SKOR1: variants seen among roughly 807,000 people sequenced by gnomAD.
SKOR1 encodes LBX1 corepressor 1.
A neutral mutation model predicts 72.4 loss-of-function variants in SKOR1; 38 were observed. The observed-to-expected ratio is 0.52, with a 90% CI of 0.40 to 0.69. The LOEUF (loss-of-function observed/expected upper bound fraction) is 0.69, where lower values mean the gene tolerates loss of function less well. Ranked by LOEUF, SKOR1 falls within the 30% of genes least tolerant of loss-of-function variation. The probability of loss-of-function intolerance (pLI) is 0.00; values close to 1 mark genes in which losing one functional copy is unlikely to be tolerated. For synonymous variants in SKOR1, 642 were observed against 599.4 expected (o/e 1.07, Z -1.04); for missense variants, 1,320 against 1,343.2 (o/e 0.98, Z 0.27).
chr15:67,832,424 C>A lies in SKOR1; in HGVS notation c.2662+76C>A. 3 of 1,533,472 alleles carry A rather than the reference C, an allele frequency of 2.0e-6. No homozygotes were observed. Among genetic ancestry groups the A allele is most frequent in the Non-Finnish European group, 2.7e-6 (3 of 1,111,422 alleles). The allele number at this position is 1,533,472 out of a possible 1,614,324, so 95.0% of individuals were successfully genotyped here. A position where few individuals can be genotyped will look rare whatever the true frequency, so the allele number is the denominator to read the frequency against. ...AGGGTGCCCCGACCTACTCCGAAAGCCGGGTGCCAGGCAACTGGTACTAGG... is the reference window on the plus strand; with the variant it reads ...AGGGTGCCCCGACCTACTCCGAAAGACGGGTGCCAGGCAACTGGTACTAGG... On this transcript the variant is annotated intron_variant, in intron 6 of 8. Transcript: ENST00000380035. The surrounding 1 kb of genome is among the most constrained non-coding windows in gnomAD (Gnocchi z 4.5).
intron 2 of SKOR1, 65 bp from the exon 3 acceptor site, chr15:67,829,114 G>T (rs2090988465): frequency 7.0e-7 from 1 of 1,419,590 alleles, no homozygotes. Context: ...GCGGGGTAGG[G>T]CTGGGCGTCT....
rs1179485034 is a variant in SKOR1 at position 67,828,022 on chromosome 15, G to T, written c.2194G>T (p.Ala732Ser). The change falls in exon 2 of 9, where the codon GCA becomes TCA. Residue 732 changes from alanine (A) to serine (S), a missense_variant. Physicochemically the swap from Ala to Ser is moderately conservative, Grantham distance 99. Transcript: ENST00000380035. Reference sequence around the variant, plus strand: ...CGGGCCACCCCCAGCTGGCCGGCCCGCATTTGGGGACTTGGCAGCCGAAGA... The same window carrying T: ...CGGGCCACCCCCAGCTGGCCGGCCCTCATTTGGGGACTTGGCAGCCGAAGA... Reference protein sequence around the residue: ...RLGPPPAGRPAFGDLAAEDLV... With the variant: ...RLGPPPAGRPSFGDLAAEDLV... 1.9e-6 allele frequency: 3 copies of T among 1,539,262 alleles called. No individual in the cohort carries two copies. Among genetic ancestry groups the T allele is most frequent in the Non-Finnish European group, 1.7e-6 (2 of 1,144,716 alleles).
intron 5 of SKOR1, among the ~76,000 whole-genome samples, chr15:67,831,491 C>G (rs922721622): frequency 1.3e-5 from 2 of 152,132 alleles, no homozygotes; most frequent in Non-Finnish European, 2.9e-5. Flanking sequence ...GCCCTTCTAC[C>G]TTCCATTCTT....
chr15:67,831,901 TGCGGGGGGGGGAGGTCGGG>T (rs2091009987), intron 5 of SKOR1, among the ~76,000 whole-genome samples: 2 of 7,064 alleles, frequency 2.8e-4, no homozygotes, highest in African/African-American at 4.3e-4. Context: ...AGGGCGGCGG[TGCGGGGGGGGGAGGTCGGG>T]GCCGGGGCGG....
chr15:67,830,393 A>G, intron 4 of SKOR1, 95 bp downstream of exon 4: 2 of 1,052,926 alleles, frequency 1.9e-6, no homozygotes, highest in Non-Finnish European at 2.9e-6. Flanking sequence ...AAGGCTTTTA[A>G]TCAAGTGTAA....
chr15:67,834,075 T>G lies in SKOR1; in HGVS notation c.*239T>G. The G allele has an allele frequency of 1.3e-5, 7 of 548,590 alleles. No homozygotes were observed. Among genetic ancestry groups the G allele is most frequent in the East Asian group, 3.2e-5 (1 of 31,088 alleles). 34.0% of individuals were successfully genotyped at this position (548,590 alleles called of 1,614,324 possible). ...TACCGCCTCGCGCCTCAAATCCCCC[T>G]ACCCCGTGTGAACTCTAGGGCATCG... is the stretch of plus-strand genomic sequence containing the variant. On this transcript the variant is annotated 3_prime_UTR_variant, in exon 9 of 9. Transcript: ENST00000380035. This position sits in a 1 kb window ranked among gnomAD's most constrained non-coding sequence, Gnocchi z 5.8.
At position 67,830,270 on chromosome 15, in the gene SKOR1, C is replaced by G. The variant is rs765867866; in HGVS notation, c.2487C>G (p.Ser829=). ...RKSYPDQRSI[S]QPSPANTDRG... ...CCTATCCAGACCAAAGGAGTATCTC[C>G]CAGCCAAGTCCTGCAAATACAGACA... is the stretch of plus-strand genomic sequence containing the variant. Residue 829 remains serine (S), a synonymous_variant, in exon 4 of 9, where the codon TCC becomes TCG. Coordinates refer to ENST00000380035, the MANE Select transcript of SKOR1 (RefSeq NM_001365915.1). The G allele has an allele frequency of 3.1e-6, 5 of 1,614,190 alleles. No homozygotes were observed. Among genetic ancestry groups the G allele is most frequent in the Non-Finnish European group, 3.4e-6 (4 of 1,180,018 alleles).
chr15:67,827,110 G>C lies in SKOR1; in HGVS notation c.1282G>C (p.Gly428Arg). ...AAAGGGCGGTCCTGGCACTGGGAGCGGCGGCGGCGGCGCGGGGACAGGCGG... is the reference window on the plus strand; with the variant it reads ...AAAGGGCGGTCCTGGCACTGGGAGCCGCGGCGGCGGCGCGGGGACAGGCGG... ...EPKGGPGTGS[G>R]GGGAGTGGGA... The change falls in exon 2 of 9, where the codon GGC (glycine) becomes CGC (arginine). Residue 428 changes from glycine (G) to arginine (R), a missense_variant. Physicochemically the swap from Gly to Arg is moderately radical, Grantham distance 125 (BLOSUM62 -2). Around this residue, in one of 3 missense-constraint regions of SKOR1, gnomAD observed 1,099 missense variants for 1,025.5 expected, o/e 1.07. Transcript: ENST00000380035. The C allele has an allele frequency of 7.1e-7, 1 of 1,416,490 alleles. No homozygotes were observed. The allele number at this position is 1,416,490 out of a possible 1,614,324, so 87.7% of individuals were successfully genotyped here.
intron 4 of SKOR1, among the ~76,000 whole-genome samples, 161 bp downstream of exon 4, chr15:67,830,459 G>T (rs2091000531): frequency 6.6e-6 from 1 of 152,210 alleles, no homozygotes; most frequent in African/African-American, 2.4e-5. Context: ...CGAGCAGGGT[G>T]CAGGCCAGGT....
Position 67,833,134 on chromosome 15 carries a change from C to T in SKOR1, c.2738-58C>T, listed in dbSNP as rs1597020881. On this transcript the variant is annotated intron_variant, in intron 7 of 8. Transcript: ENST00000380035. This position sits in a 1 kb window ranked among gnomAD's most constrained non-coding sequence, Gnocchi z 6.0. ...GAGAGGAGGAAGCCCGGGCTGTGAC[C>T]CCGGCCTTTCGGAGGGTGGTCTGCG... 3 of 1,595,450 alleles carry T rather than the reference C, an allele frequency of 1.9e-6. No homozygotes were observed. In the East Asian group the frequency reaches 6.7e-5, roughly 36 times the overall value.
Position 67,827,697 on chromosome 15 carries a change from G to A in SKOR1, c.1869G>A (p.Gly623=). 6.5e-7 allele frequency: 1 copy of A among 1,538,048 alleles called. No individual in the cohort carries two copies. The highest frequency in any genetic ancestry group is 2.0e-5 in the Admixed American group (1 of 50,452). The part of the protein sequence containing the change: ...REAYGAGPAR[G]PGPGAGSGGY... ...CGTACGGCGCGGGGCCTGCTCGGGG[G>A]CCGGGACCCGGCGCTGGGAGCGGCG... The change falls in exon 2 of 9, where the codon GGG becomes GGA. Residue 623 remains glycine, a synonymous_variant. Transcript: ENST00000380035.
Position 67,828,000 on chromosome 15 carries a change from GCCACCCCC to G in SKOR1, c.2173_2180del (p.Pro725SerfsTer19), listed in dbSNP as rs2090978514. On this transcript the variant is annotated frameshift_variant, in exon 2 of 9. Transcript: ENST00000380035. LOFTEE classifies it high-confidence loss of function. The stretch of plus-strand genomic sequence containing the variant: ...GCCCCCGCCCCCGGCGCCGCCTCGG[GCCACCCCC>G]AGCTGGCCGGCCCGCATTTGGGGAC... The G allele has an allele frequency of 1.3e-6, 2 of 1,539,184 alleles. No homozygotes were observed. The highest frequency in any genetic ancestry group is 2.8e-5 in the African/African-American group (2 of 72,408).
rs1019192506 is a variant in SKOR1, at chr15:67,832,962, G to T, written c.2738-230G>T. On this transcript the variant is annotated intron_variant, in intron 7 of 8. Transcript: ENST00000380035. This position sits in a 1 kb window ranked among gnomAD's most constrained non-coding sequence, Gnocchi z 4.5. ...GGCGTAAAATTACCTGGGAAGTAAT[G>T]CCTAAGTTTGCTTTAATTTTGGTTA... 1 of 601,202 alleles carries T rather than the reference G, an allele frequency of 1.7e-6. No individual in the cohort carries two copies. Among genetic ancestry groups the T allele is most frequent in the Admixed American group, 3.0e-5 (1 of 33,786 alleles). 37.2% of individuals were successfully genotyped at this position (601,202 alleles called of 1,614,324 possible).
Position 67,827,331 on chromosome 15 carries a change from GT to G in SKOR1, c.1504del (p.Ser502ProfsTer133). The part of the protein sequence containing the change: ...WPAAGSLPVP[S>X]YPAAQSQAKA... ...CAGCAGCAGGCAGCCTCCCGGTACC[GT>G]CCTACCCCGCTGCTCAGAGCCAAGC... On this transcript the variant is annotated frameshift_variant, in exon 2 of 9. Transcript: ENST00000380035. LOFTEE classifies it high-confidence loss of function. The G allele has an allele frequency of 2.5e-6, 4 of 1,589,270 alleles. No individual in the cohort carries two copies. The highest frequency in any genetic ancestry group is 3.4e-6 in the Non-Finnish European group (4 of 1,175,742).
chr15:67,826,870 C>G lies in SKOR1; in HGVS notation c.1042C>G (p.Leu348Val). The stretch of plus-strand genomic sequence containing the variant: ...ACCTCCACCCCACCCGCAGCGCGGA[C>G]TTGGCCTGGCGACTGGAGCTAGTGG... ...GPPPPHPQRGLGLATGASGPA... is the reference protein window; with the variant it reads ...GPPPPHPQRGVGLATGASGPA... Residue 348 changes from leucine to valine, a missense_variant, in exon 2 of 9, where the codon CTT becomes GTT. By Grantham distance (32) the Leu-to-Val change is conservative (BLOSUM62 1). Around this residue, in one of 3 missense-constraint regions of SKOR1, gnomAD observed 1,099 missense variants for 1,025.5 expected, o/e 1.07. Transcript: ENST00000380035. The G allele has an allele frequency of 6.5e-7, 1 of 1,537,038 alleles. No homozygotes were observed. Among genetic ancestry groups the G allele is most frequent in the Non-Finnish European group, 8.7e-7 (1 of 1,146,120 alleles).
rs72751453 is a variant in SKOR1 at position 67,832,327 on chromosome 15, C to A, written c.2641C>A (p.Arg881=). ...AATGGAGCTCCGCAAGAAGCTGGAA[C>A]GGGAATTTCAGAGTCTCAAAGGTAC... ...EQMELRKKLE[R]EFQSLKDNFQ... The change falls in exon 6 of 9, where the codon CGG becomes AGG. Residue 881 remains arginine (R), a synonymous_variant. Transcript: ENST00000380035. This position sits in a 1 kb window ranked among gnomAD's most constrained non-coding sequence, Gnocchi z 4.5. 619,873 of 1,613,064 alleles carry A rather than the reference C, an allele frequency of 0.38. 129,652 individuals carry two copies. The highest frequency in any genetic ancestry group is 0.44 in the Non-Finnish European group (513,429 of 1,179,350).
In SKOR1 at chr15:67,828,579, C is replaced by T. The variant is rs191189285; in HGVS notation, c.2316+435C>T. ...CAGTGTGGCCTCTCCCTGAGTCGGG[C>T]CCCAGCAGTACCGGGTCCCCGGAAT... On this transcript the variant is annotated intron_variant, in intron 2 of 8. Transcript: ENST00000380035. 1.9e-4 allele frequency among the ~76,000 whole-genome samples: 29 copies of T among 152,306 alleles called. No individual in the cohort carries two copies. The East Asian group carries it at 5.4e-3, about 28-fold the overall frequency.
In SKOR1 at chr15:67,825,925, C is replaced by T. The variant is rs565935324; in HGVS notation, c.108-11C>T. 12 of 1,512,942 alleles carry T rather than the reference C, an allele frequency of 7.9e-6. No homozygotes were observed. Among genetic ancestry groups the T allele is most frequent in the Admixed American group, 2.2e-5 (1 of 44,468 alleles). The allele number at this position is 1,512,942 out of a possible 1,614,324, so 93.7% of individuals were successfully genotyped here. A position where few individuals can be genotyped will look rare whatever the true frequency, so the allele number is the denominator to read the frequency against. ...ATGGCTCATCTGCTCTCTGCTTTCT[C>T]TATTTCGCAGGAGCGGCGGCATGGA... On this transcript the variant is annotated splice_polypyrimidine_tract_variant and intron_variant, in intron 1 of 8. Coordinates refer to ENST00000380035, the MANE Select transcript of SKOR1 (RefSeq NM_001365915.1). The surrounding 1 kb of genome is among the most constrained non-coding windows in gnomAD (Gnocchi z 5.6).
In SKOR1 at chr15:67,827,828, G is replaced by A. The variant is rs766500349; in HGVS notation, c.2000G>A (p.Arg667His). The A allele has an allele frequency of 4.1e-5, 66 of 1,592,120 alleles. No individual in the cohort carries two copies. The highest frequency in any genetic ancestry group is 5.4e-5 in the Non-Finnish European group (63 of 1,170,100). ...DEPEVDVESNRFPDDEDAQEE... is the reference protein window; with the variant it reads ...DEPEVDVESNHFPDDEDAQEE... ...CCCGAGGTGGACGTGGAATCCAACC[G>A]CTTCCCCGACGACGAGGACGCCCAA... The change falls in exon 2 of 9, where the codon CGC (arginine) becomes CAC (histidine). Residue 667 changes from arginine (R) to histidine (H), a missense_variant. By Grantham distance (29) the Arg-to-His change is conservative. This residue lies in a region of SKOR1 where 1,099 missense variants were observed against 1,025.5 expected (regional missense o/e 1.07). Coordinates refer to ENST00000380035, the MANE Select transcript of SKOR1 (RefSeq NM_001365915.1).
Sources: allele counts gnomAD v4.1 joint callset (sites outside exome capture counted in the v4.1 genomes callset), GRCh38; gene constraint gnomAD v4.1.1; regional missense constraint gnomAD v4.1.1; non-coding constraint Gnocchi (gnomAD v3.1); transcripts MANE v1.5; gene names NCBI Gene and HGNC (gene_info 2026-07-23, HGNC 2026-07-21).